The following THSD4 variants were observed in gnomAD, a reference collection of about 807,000 sequenced individuals.
The protein encoded by THSD4 is thrombospondin type 1 domain containing 4.
Under a neutral mutation model 119.0 loss-of-function variants are expected in THSD4, and 69 were observed. The observed-to-expected ratio is 0.58, with a 90% CI of 0.48 to 0.71. THSD4 has a LOEUF of 0.71. Ranked by LOEUF, THSD4 falls within the 30% of genes least tolerant of loss-of-function variation. THSD4 has a pLI of 0.00. For synonymous variants in THSD4, 524 were observed against 540.4 expected (o/e 0.97, Z 0.42); for missense variants, 1,393 against 1,391.1 (o/e 1.00, Z -0.02).
At chr15:71,164,150 A>G (rs1450990599) in intron 3 of THSD4, among the ~76,000 whole-genome samples, 2 of 150,272 alleles carry the variant, frequency 1.3e-5, no homozygotes, top group East Asian at 4.1e-4. Context: ...CTTTACCCTC[A>G]TTATGATATG....
chr15:71,689,965 G>A (rs1238266426), intron 8 of THSD4, among the ~76,000 whole-genome samples: 1 of 152,180 alleles, frequency 6.6e-6, no homozygotes, highest in Non-Finnish European at 1.5e-5. Flanking sequence ...AAAAGTCCTT[G>A]ATATTTAACC....
chr15:71,256,719 A>G lies in THSD4; in HGVS notation c.1015+4A>G. The G allele has an allele frequency of 1.2e-6, 2 of 1,612,238 alleles. No individual in the cohort carries two copies. Among genetic ancestry groups the G allele is most frequent in the Non-Finnish European group, 1.7e-6 (2 of 1,178,800 alleles). The stretch of plus-strand genomic sequence containing the variant: ...GAGTGGGAACCATTTGCAGAAGGTA[A>G]GAATAGACCCAGCCCTGTCCATAGA... On this transcript the variant is annotated splice_donor_region_variant and intron_variant, in intron 6 of 17. Transcript: ENST00000261862.
chr15:71,618,946 C>T (rs2050371173), intron 7 of THSD4, among the ~76,000 whole-genome samples: 1 of 151,590 alleles, frequency 6.6e-6, no homozygotes, highest in Non-Finnish European at 1.5e-5. Flanking sequence ...GTAACAAAAA[C>T]TTAATTTGGT....
At chr15:71,694,477 G>T (rs2052121332) in intron 8 of THSD4, among the ~76,000 whole-genome samples, 1 of 152,140 alleles carries the variant, frequency 6.6e-6, no homozygotes, top group Admixed American at 6.5e-5. Context: ...TTCCAGTTGT[G>T]CAGCAAGTTG....
At chr15:71,480,312 A>G (rs1402357389) in intron 7 of THSD4, among the ~76,000 whole-genome samples, 4 of 152,232 alleles carry the variant, frequency 2.6e-5, no homozygotes, top group Non-Finnish European at 5.9e-5. Context: ...TGCTGGGATT[A>G]CAGGCATGTG....
At chr15:71,364,121 T>C (rs1866922) in intron 6 of THSD4, among the ~76,000 whole-genome samples, 1 of 151,918 alleles carries the variant, frequency 6.6e-6, no homozygotes, top group Non-Finnish European at 1.5e-5. Flanking sequence ...AGTAACCTAG[T>C]TGAGGGCTGA....
At chr15:71,588,713 C>T (rs755706164) in intron 7 of THSD4, among the ~76,000 whole-genome samples, 2 of 152,160 alleles carry the variant, frequency 1.3e-5, no homozygotes, top group African/African-American at 2.4e-5. Flanking sequence ...GGATTATAGG[C>T]GTGAGCCACC....
chr15:71,640,020 G>A (rs1464618940), intron 7 of THSD4, among the ~76,000 whole-genome samples: 1 of 152,064 alleles, frequency 6.6e-6, no homozygotes, highest in Non-Finnish European at 1.5e-5. Context: ...CTGCTCATTA[G>A]CCACCAAAAT....
At position 71,570,398 on chromosome 15, in the gene THSD4, A is replaced by T. The variant is rs535045336; in HGVS notation, c.1153-90132A>T. On this transcript the variant is annotated intron_variant, in intron 7 of 17. Transcript: ENST00000261862. Reference sequence around the variant, plus strand: ...CGGAATATAAATCCAGATTACTCAGATATACTTTTTTTTTCTTTTTTTTTT... The same window carrying T: ...CGGAATATAAATCCAGATTACTCAGTTATACTTTTTTTTTCTTTTTTTTTT... Among the ~76,000 whole-genome samples the T allele has an allele frequency of 1.2e-4, 15 of 128,484 alleles. 1 individual carries two copies. The East Asian group carries it at 3.9e-3, about 34-fold the overall frequency. 84.3% of individuals were successfully genotyped at this position (128,484 alleles called of 152,430 possible).
chr15:71,172,592 A>G (rs1281502303), intron 3 of THSD4, among the ~76,000 whole-genome samples: 2 of 148,238 alleles, frequency 1.3e-5, no homozygotes, highest in Non-Finnish European at 1.5e-5. Context: ...TATTTATATT[A>G]TTAGCTCCAG....
At chr15:71,671,646 G>T (rs1398182647) in intron 8 of THSD4, among the ~76,000 whole-genome samples, 1 of 152,144 alleles carries the variant, frequency 6.6e-6, no homozygotes, top group Non-Finnish European at 1.5e-5. Context: ...AATCCATCTT[G>T]AATTAATTTT....
At chr15:71,378,720 G>T (rs2140449017) in intron 6 of THSD4, among the ~76,000 whole-genome samples, 1 of 152,294 alleles carries the variant, frequency 6.6e-6, no homozygotes, top group Non-Finnish European at 1.5e-5. Context: ...ATGGTTGAGA[G>T]TCACTGCTTA....
Position 71,383,405 on chromosome 15 carries a change from G to T in THSD4, c.1016-28282G>T, listed in dbSNP as rs545675791. ...GGCACGGAACTGAGACTTAAGGCTT[G>T]AATACCATCATTTGCCCAAATCAAG... On this transcript the variant is annotated intron_variant, in intron 6 of 17. Transcript: ENST00000261862. Among the ~76,000 whole-genome samples the T allele has an allele frequency of 7.5e-4, 114 of 152,276 alleles. 1 individual carries two copies. Among genetic ancestry groups the T allele is most frequent in the African/African-American group, 2.6e-3 (110 of 41,560 alleles).
At chr15:71,748,372 C>G in intron 13 of THSD4, 49 bp from the exon 14 acceptor site, 1 of 1,605,502 alleles carries the variant, frequency 6.2e-7, no homozygotes. Context: ...CAATTCTCTC[C>G]CAGAGCTGAA....
intron 6 of THSD4, among the ~76,000 whole-genome samples, chr15:71,287,565 G>A (rs753753256): frequency 6.6e-6 from 1 of 152,194 alleles, no homozygotes; most frequent in Non-Finnish European, 1.5e-5. Context: ...TGAAGAGAAC[G>A]AGGGATATGT....
intron 6 of THSD4, among the ~76,000 whole-genome samples, chr15:71,284,828 T>C (rs1229169770): frequency 6.6e-6 from 1 of 150,416 alleles, no homozygotes; most frequent in Non-Finnish European, 1.5e-5. Context: ...GTTTTCTCAT[T>C]AAAAAAAAAC....
chr15:71,214,259 A>G (rs549130986), intron 3 of THSD4, among the ~76,000 whole-genome samples: 2 of 152,216 alleles, frequency 1.3e-5, no homozygotes, highest in Non-Finnish European at 2.9e-5. Context: ...CACTCCCTCC[A>G]GTCCCTCCAG....
At position 71,501,715 on chromosome 15, in the gene THSD4, A is replaced by G. The variant is rs145526253; in HGVS notation, c.1152+89892A>G. Among the ~76,000 whole-genome samples, 6 of 152,376 alleles carry G rather than the reference A, an allele frequency of 3.9e-5. No individual in the cohort carries two copies. The East Asian group carries it at 1.2e-3, about 29-fold the overall frequency. ...TGCAAATAACTCTTCCCACTTTTGG[A>G]TAAAATATTGTGTTCCTTTTCATCT... On this transcript the variant is annotated intron_variant, in intron 7 of 17. Transcript: ENST00000261862.
At chr15:71,506,096 T>A (rs927447147) in intron 7 of THSD4, among the ~76,000 whole-genome samples, 1 of 152,228 alleles carries the variant, frequency 6.6e-6, no homozygotes, top group Non-Finnish European at 1.5e-5. Context: ...GTGCACCTTC[T>A]GTGTTCAGGC....
Sources: allele counts gnomAD v4.1 joint callset (sites outside exome capture counted in the v4.1 genomes callset), GRCh38; gene constraint gnomAD v4.1.1; transcripts MANE v1.5; gene names NCBI Gene and HGNC (gene_info 2026-07-23, HGNC 2026-07-21).